The following MYBPC1 variants were observed in gnomAD, a reference collection of about 807,000 sequenced individuals.
The protein encoded by MYBPC1 is myosin binding protein C1, also known as myosin-binding protein C, slow-type.
MYBPC1 carries 52 observed loss-of-function variants against 147.1 expected under a neutral mutation model. That is an observed-to-expected ratio of 0.35 (90% CI 0.28 to 0.45). The LOEUF is 0.45. MYBPC1 is among the 20% of genes least tolerant of loss of function. The probability of loss-of-function intolerance (pLI) is 1.00; values close to 1 mark genes in which losing one functional copy is unlikely to be tolerated. For synonymous variants in MYBPC1, 477 were observed against 475.9 expected (o/e 1.00, Z -0.03); for missense variants, 1,228 against 1,440.3 (o/e 0.85, Z 2.39).
At chr12:101,646,917 C>T (rs1244529683) in intron 13 of MYBPC1, 30 bp downstream of exon 13, 1 of 1,613,396 alleles carries the variant, frequency 6.2e-7, no homozygotes, top group Admixed American at 1.7e-5. Flanking sequence ...TTGTGGTCAC[C>T]AGGAGCTGTT....
intron 10 of MYBPC1, among the ~76,000 whole-genome samples, chr12:101,637,328 C>T (rs1891198538): frequency 6.6e-6 from 1 of 152,004 alleles, no homozygotes; most frequent in Non-Finnish European, 1.5e-5. Flanking sequence ...CACACTGACA[C>T]TTTTCATTGT....
At chr12:101,669,660 G>A (rs1449867938) in intron 23 of MYBPC1, among the ~76,000 whole-genome samples, 2 of 152,172 alleles carry the variant, frequency 1.3e-5, no homozygotes, top group African/African-American at 2.4e-5. Context: ...TAACTGGCCA[G>A]ACGCGGTGGC....
In MYBPC1 at chr12:101,662,390, T is replaced by C; in HGVS notation, c.2065T>C (p.Ser689Pro). 6.2e-7 allele frequency: 1 copy of C among 1,614,194 alleles called. No individual in the cohort carries two copies. The highest frequency in any genetic ancestry group is 1.1e-5 in the South Asian group (1 of 91,084). Residue 689 changes from serine (S) to proline (P), a missense_variant, in exon 21 of 32, where the codon TCC becomes CCC. Ser to Pro is a moderately conservative substitution (Grantham distance 74). Transcript: ENST00000361466. ...YFIERKKKQS[S>P]RWMRLNFDLC... ...TATTGAGAGGAAGAAGAAACAAAGC[T>C]CCAGGTGGATGAGGCTGAATTTTGA...
At chr12:101,678,547 A>G (rs1172469879) in intron 28 of MYBPC1, among the ~76,000 whole-genome samples, 1 of 152,232 alleles carries the variant, frequency 6.6e-6, no homozygotes, top group Non-Finnish European at 1.5e-5. Context: ...TGGTAATGTC[A>G]AGAATTCTGT....
At chr12:101,677,459 A>T (rs1900256774) in intron 27 of MYBPC1, 65 bp downstream of exon 27, 2 of 1,582,630 alleles carry the variant, frequency 1.3e-6, no homozygotes, top group Admixed American at 3.4e-5. Flanking sequence ...AGAAGACTGG[A>T]AAAAGAGATG....
chr12:101,670,174 A>T (rs1209926104), intron 23 of MYBPC1, 147 bp from the exon 24 acceptor site: 2 of 748,438 alleles, frequency 2.7e-6, no homozygotes, highest in Non-Finnish European at 4.9e-6. Flanking sequence ...CAGTTACTAT[A>T]TATCGTCTGT....
At chr12:101,623,573 A>G (rs1250803214) in intron 3 of MYBPC1, among the ~76,000 whole-genome samples, 2 of 152,236 alleles carry the variant, frequency 1.3e-5, no homozygotes, top group African/African-American at 4.8e-5. Context: ...ACAAAAAGTA[A>G]ACCACCACAA....
intron 3 of MYBPC1, among the ~76,000 whole-genome samples, chr12:101,622,775 C>T (rs1887727122): frequency 6.6e-6 from 1 of 151,880 alleles, no homozygotes; most frequent in East Asian, 1.9e-4. Context: ...AGAAAGGAAA[C>T]AGTAAGCTTT....
intron 1 of MYBPC1, among the ~76,000 whole-genome samples, chr12:101,600,090 C>T (rs1483556943): frequency 1.3e-5 from 2 of 152,224 alleles, no homozygotes; most frequent in African/African-American, 2.4e-5. Context: ...CCTTACTTCT[C>T]ACCCAGTAAA....
intron 1 of MYBPC1, among the ~76,000 whole-genome samples, chr12:101,607,262 G>A (rs77650473): frequency 1.3e-5 from 2 of 152,116 alleles, no homozygotes; most frequent in East Asian, 3.9e-4. Flanking sequence ...TGCATATTGT[G>A]TCAGACCCCA....
chr12:101,636,584 A>G (rs1308330389), intron 9 of MYBPC1, 88 bp from the exon 10 acceptor site: 1 of 1,059,452 alleles, frequency 9.4e-7, no homozygotes, highest in South Asian at 1.3e-5. Context: ...ACAAAATTGC[A>G]TATACGTTAC....
Position 101,678,888 on chromosome 12 carries a change from G to A in MYBPC1, c.3246+650G>A, listed in dbSNP as rs149425192. 2.1e-3 allele frequency among the ~76,000 whole-genome samples: 325 copies of A among 152,244 alleles called. 1 individual carries two copies. Among genetic ancestry groups the A allele is most frequent in the African/African-American group, 7.5e-3 (311 of 41,542 alleles). On this transcript the variant is annotated intron_variant, in intron 28 of 31. Transcript: ENST00000361466. ...TCAGAAATAGGGAAGTCGTCCGGGC[G>A]CAGTGGCTCATGCCTGTAATCCGAA...
chr12:101,676,450 A>G (rs1372569453), intron 26 of MYBPC1, among the ~76,000 whole-genome samples: 1 of 152,092 alleles, frequency 6.6e-6, no homozygotes, highest in Non-Finnish European at 1.5e-5. Context: ...AAAAGAAAAA[A>G]CAGAACCAAA....
At chr12:101,601,772 C>G (rs527825099) in intron 1 of MYBPC1, among the ~76,000 whole-genome samples, 1 of 151,998 alleles carries the variant, frequency 6.6e-6, no homozygotes, top group Non-Finnish European at 1.5e-5. Flanking sequence ...AAGTATTCTT[C>G]TTCTCTAAAA....
At chr12:101,653,677 T>C (rs1894989258) in intron 18 of MYBPC1, among the ~76,000 whole-genome samples, 2 of 152,026 alleles carry the variant, frequency 1.3e-5, no homozygotes, top group African/African-American at 4.8e-5. Flanking sequence ...ACCCATTATG[T>C]GAAGATCAAA....
intron 1 of MYBPC1, among the ~76,000 whole-genome samples, chr12:101,599,082 T>C (rs985297909): frequency 6.6e-6 from 1 of 152,252 alleles, no homozygotes; most frequent in Non-Finnish European, 1.5e-5. Context: ...ACTGTAGTTT[T>C]CTCATGTTCC....
At chr12:101,608,341 C>A (rs1883038632) in intron 1 of MYBPC1, among the ~76,000 whole-genome samples, 3 of 151,970 alleles carry the variant, frequency 2.0e-5, no homozygotes, top group Non-Finnish European at 4.4e-5. Context: ...CCTTGTTTTT[C>A]CTTTTTATTC....
intron 16 of MYBPC1, among the ~76,000 whole-genome samples, chr12:101,651,801 G>A (rs779206545): frequency 1.3e-5 from 2 of 152,088 alleles, no homozygotes; most frequent in East Asian, 1.9e-4. Context: ...TTAGCCAGGC[G>A]TGGTGGCATG....
intron 26 of MYBPC1, 81 bp from the exon 27 acceptor site, chr12:101,677,154 G>A: frequency 1.4e-6 from 2 of 1,397,874 alleles, no homozygotes; most frequent in Non-Finnish European, 2.0e-6. Flanking sequence ...AAGCATCCTT[G>A]TTATTTATCC....
Sources: allele counts gnomAD v4.1 joint callset (sites outside exome capture counted in the v4.1 genomes callset), GRCh38; gene constraint gnomAD v4.1.1; transcripts MANE v1.5; gene names NCBI Gene and HGNC (gene_info 2026-07-23, HGNC 2026-07-21).